SLC12A7: variants seen among roughly 807,000 people sequenced by gnomAD.
SLC12A7 encodes the protein K-Cl cotransporter 4.
In SLC12A7, 100 loss-of-function variants were observed where a neutral mutation model predicts 120.6. The observed-to-expected ratio is 0.83, with a 90% CI of 0.71 to 0.98. The LOEUF is 0.98. Among genes scored for constraint, SLC12A7 ranks in the 50% least tolerant of loss-of-function variants. The pLI, the probability that SLC12A7 is intolerant of heterozygous loss-of-function variation, is 0.00. For missense variants in SLC12A7, 1,373 were observed against 1,548.1 expected (o/e 0.89, Z 1.90); for synonymous variants, 760 against 678.0 (o/e 1.12, Z -1.88).
rs4526148 is a variant in SLC12A7, at chr5:1,081,652, C to T, written c.1222G>A (p.Ala408Thr). The T allele has an allele frequency of 0.52, 831,195 of 1,612,796 alleles. 217,709 individuals carry two copies. Among genetic ancestry groups the T allele is most frequent in the East Asian group, 0.71 (31,648 of 44,850 alleles). The change falls in exon 9 of 24, where the codon GCA becomes ACA. Residue 408 changes from alanine to threonine, a missense_variant. Transcript: ENST00000264930. The stretch of plus-strand genomic sequence containing the variant: ...ATGTCGGTGAGCACGTAGGGCAGTG[C>T]GCTGGCACGGCTCTCCTCTGCCACG... ...VPVAEESRAS[A>T]LPYVLTDIAA...
chr5:1,094,943 G>A (rs548398425), intron 1 of SLC12A7, among the ~76,000 whole-genome samples: 1 of 151,784 alleles, frequency 6.6e-6, no homozygotes, highest in Non-Finnish European at 1.5e-5. Context: ...TGGGGAGGAG[G>A]ACTTGAGGCT....
At position 1,052,335 on chromosome 5, in the gene SLC12A7, CAG is replaced by C. The variant is rs1281839169; in HGVS notation, c.*23_*24del. The C allele has an allele frequency of 1.2e-6, 2 of 1,601,898 alleles. No individual in the cohort carries two copies. The highest frequency in any genetic ancestry group is 2.7e-5 in the African/African-American group (2 of 74,674). On this transcript the variant is annotated 3_prime_UTR_variant, in exon 24 of 24. Transcript: ENST00000264930. ...CCCACGCCGTCCTCCGTGCCTGTCCCAGAGTGCCGTGATGCTGTTGGGCATTA... is the reference window on the plus strand; with the variant it reads ...CCCACGCCGTCCTCCGTGCCTGTCCCAGTGCCGTGATGCTGTTGGGCATTA...
chr5:1,117,204 C>T, the SLC12A7 span, among the ~76,000 whole-genome samples: 4 of 151,876 alleles, frequency 2.6e-5, no homozygotes, highest in Admixed American at 6.6e-5. This position sits in a 1 kb window ranked among gnomAD's most constrained non-coding sequence, Gnocchi z 4.5. Context: ...GCCTGGCCTG[C>T]GGGGGTGGGG....
At chr5:1,081,503 C>T in intron 9 of SLC12A7, 74 bp downstream of exon 9, 1 of 1,490,456 alleles carries the variant, frequency 6.7e-7, no homozygotes, top group Admixed American at 1.9e-5. Context: ...GCCTGGGTGA[C>T]AGAGCAAGAC....
At chr5:1,058,073 T>G (rs1238199320) in intron 21 of SLC12A7, among the ~76,000 whole-genome samples, 1 of 152,210 alleles carries the variant, frequency 6.6e-6, no homozygotes, top group Non-Finnish European at 1.5e-5. Flanking sequence ...ATCCAGGCCC[T>G]GTCCCCGGGG....
In SLC12A7 at chr5:1,051,097, G is replaced by C. The variant is rs896037139; in HGVS notation, c.*1263C>G. The C allele has an allele frequency of 1.8e-5, 7 of 396,248 alleles. No homozygotes were observed. Among genetic ancestry groups the C allele is most frequent in the Non-Finnish European group, 3.1e-5 (7 of 225,208 alleles). 24.5% of individuals were successfully genotyped at this position (396,248 alleles called of 1,614,324 possible). A position where few individuals can be genotyped will look rare whatever the true frequency, so the allele number is the denominator to read the frequency against. On this transcript the variant is annotated 3_prime_UTR_variant, in exon 24 of 24. Transcript: ENST00000264930. Reference sequence around the variant, plus strand: ...AAGGGAGGCCCAAGTCGGTGCCACTGCCCGCAGCCTGCAAATGTGACCACA... The same window carrying C: ...AAGGGAGGCCCAAGTCGGTGCCACTCCCCGCAGCCTGCAAATGTGACCACA...
chr5:1,129,008 C>T, the SLC12A7 span, among the ~76,000 whole-genome samples: 10 of 152,338 alleles, frequency 6.6e-5, no homozygotes, highest in African/African-American at 1.4e-4. Context: ...AAGCATACCC[C>T]GCTGCCCCTG....
At chr5:1,110,730 C>T (rs1283274122) in intron 1 of SLC12A7, among the ~76,000 whole-genome samples, 1 of 152,254 alleles carries the variant, frequency 6.6e-6, no homozygotes, top group Non-Finnish European at 1.5e-5. Context: ...TAGCACTTCA[C>T]CTGGTGTTGA....
rs561458199 is a variant in SLC12A7 at position 1,074,557 on chromosome 5, C to T, written c.2072+10G>A. 1.4e-5 allele frequency: 23 copies of T among 1,607,854 alleles called. No individual in the cohort carries two copies. The highest frequency in any genetic ancestry group is 8.4e-5 in the Admixed American group (5 of 59,768). On this transcript the variant is annotated intron_variant, in intron 16 of 23. Transcript: ENST00000264930. Reference sequence around the variant, plus strand: ...GCGTCTGAGGACCACGGGGCATGGGCGGTGCTCACCTCCAGTTCTTGGTGT... The same window carrying T: ...GCGTCTGAGGACCACGGGGCATGGGTGGTGCTCACCTCCAGTTCTTGGTGT...
chr5:1,085,557 CAG>C, intron 6 of SLC12A7, 84 bp from the exon 7 acceptor site: 1 of 1,477,268 alleles, frequency 6.8e-7, no homozygotes, highest in Non-Finnish European at 9.0e-7. Flanking sequence ...CAGCGCCACA[CAG>C]GGGCCTCCTC....
the SLC12A7 span, among the ~76,000 whole-genome samples, chr5:1,148,205 C>CTTTTTTTT: frequency 7.7e-4 from 83 of 107,638 alleles, no homozygotes; most frequent in Non-Finnish European, 8.7e-4. Flanking sequence ...TTCTTTCTTT[C>CTTTTTTTT]TTTTTTTTTT....
the SLC12A7 span, among the ~76,000 whole-genome samples, chr5:1,149,643 C>A: frequency 2.7e-4 from 41 of 152,228 alleles, no homozygotes; most frequent in African/African-American, 8.9e-4. Flanking sequence ...GGTGTCTTCA[C>A]AATTATTAGT....
At chr5:1,078,490 G>A (rs982348944) in intron 11 of SLC12A7, 3 of 613,058 alleles carry the variant, frequency 4.9e-6, no homozygotes, top group African/African-American at 3.7e-5. Flanking sequence ...ATCAGGGCTT[G>A]GAGTTGGCTC....
the SLC12A7 span, among the ~76,000 whole-genome samples, chr5:1,139,669 G>A: frequency 1.3e-5 from 2 of 152,244 alleles, no homozygotes; most frequent in Non-Finnish European, 1.5e-5. Context: ...TGCCTTCCCC[G>A]AGTGCACACG....
At chr5:1,108,809 G>A (rs928581692) in intron 1 of SLC12A7, among the ~76,000 whole-genome samples, 1 of 152,162 alleles carries the variant, frequency 6.6e-6, no homozygotes, top group East Asian at 1.9e-4. Flanking sequence ...TTTTGGGAGG[G>A]GGCTCCCAAC....
chr5:1,088,923 C>G lies in SLC12A7; in HGVS notation c.489+59G>C, dbSNP rs534362503. ...AGGGGAGACGGCATCTGGGGAGAGC[C>G]CTACTGTCCAGCTGCCACCGCCCGA... On this transcript the variant is annotated intron_variant, in intron 4 of 23. Coordinates refer to ENST00000264930, the MANE Select transcript of SLC12A7 (RefSeq NM_006598.3). 11 of 1,602,294 alleles carry G rather than the reference C, an allele frequency of 6.9e-6. No homozygotes were observed. In the South Asian group the frequency reaches 1.1e-4, roughly 16 times the overall value.
intron 23 of SLC12A7, among the ~76,000 whole-genome samples, 174 bp downstream of exon 23, chr5:1,053,175 C>T (rs550724310): frequency 1.3e-5 from 2 of 152,202 alleles, no homozygotes; most frequent in Non-Finnish European, 2.9e-5. Context: ...CAACTCTGGC[C>T]CGGTCACCAC....
chr5:1,075,471 T>C lies in SLC12A7; in HGVS notation c.1867A>G (p.Met623Val), dbSNP rs762647643. 5.6e-6 allele frequency: 9 copies of C among 1,611,738 alleles called. No homozygotes were observed. The highest frequency in any genetic ancestry group is 4.5e-5 in the East Asian group (2 of 44,842). Residue 623 changes from methionine to valine, a missense_variant, in exon 15 of 24, where the codon ATG becomes GTG. Met to Val is a conservative substitution (Grantham distance 21). Transcript: ENST00000264930. ...FYHWTLSFLG[M>V]SLCLALMFIC... Reference sequence around the variant, plus strand: ...AACATCAGCGCCAGGCACAGGCTCATACCCAGAAAGGACAGGGTCCTGGGG... The same window carrying C: ...AACATCAGCGCCAGGCACAGGCTCACACCCAGAAAGGACAGGGTCCTGGGG...
In SLC12A7 at chr5:1,053,389, G is replaced by A. The variant is rs573607816; in HGVS notation, c.3120C>T (p.Asn1040=). ...KSQDAQLVLL[N]MPGPPKNRQG... is the part of the protein sequence containing the mutation. ...GCCGGTTTTTGGGAGGACCTGGCAT[G>A]TTGAGCAGGACCAGCTGCGCATCCT... The change falls in exon 23 of 24, where the codon AAC becomes AAT. Residue 1040 remains asparagine, a synonymous_variant. Coordinates refer to ENST00000264930, the MANE Select transcript of SLC12A7 (RefSeq NM_006598.3). 10 of 1,614,038 alleles carry A rather than the reference G, an allele frequency of 6.2e-6. No homozygotes were observed. The highest frequency in any genetic ancestry group is 1.3e-5 in the African/African-American group (1 of 75,086).
Sources: gnomAD v4.1 joint callset for allele counts (sites outside exome capture counted in the v4.1 genomes callset) on GRCh38, gnomAD v4.1.1 for gene constraint, Gnocchi (gnomAD v3.1) non-coding constraint, MANE v1.5 for transcripts, NCBI Gene and HGNC (gene_info 2026-07-23, HGNC 2026-07-21) for gene names.